Variants in BICD1 observed in about 807,000 individuals in gnomAD.
BICD1 encodes the protein BICD cargo adaptor 1.
Under a neutral mutation model 92.5 loss-of-function variants are expected in BICD1, and 35 were observed. The ratio of observed to expected loss-of-function variants is 0.38; its 90% CI spans 0.29 to 0.50. The LOEUF (loss-of-function observed/expected upper bound fraction) is 0.50, where lower values mean the gene tolerates loss of function less well. Ranked by LOEUF, BICD1 falls within the 20% of genes least tolerant of loss-of-function variation. The pLI is 0.93. For synonymous variants in BICD1, 429 were observed against 465.1 expected (o/e 0.92, Z 1.00); for missense variants, 950 against 1,189.8 (o/e 0.80, Z 2.97).
chr12:32,254,005 C>T (rs1020923231), intron 2 of BICD1, among the ~76,000 whole-genome samples: 3 of 150,054 alleles, frequency 2.0e-5, no homozygotes, highest in Admixed American at 1.3e-4. Context: ...ACATTCATTG[C>T]GGTATCCCAC....
At chr12:32,180,193 G>A (rs1189479067) in intron 1 of BICD1, among the ~76,000 whole-genome samples, 1 of 151,788 alleles carries the variant, frequency 6.6e-6, no homozygotes, top group East Asian at 1.9e-4. Flanking sequence ...CTGAGCTTCT[G>A]GGTTCAATAA....
chr12:32,181,833 G>T (rs1351123058), intron 1 of BICD1, among the ~76,000 whole-genome samples: 1 of 151,986 alleles, frequency 6.6e-6, no homozygotes, highest in Non-Finnish European at 1.5e-5. Context: ...CCTTATGCCT[G>T]TGTGTACCTC....
intron 2 of BICD1, among the ~76,000 whole-genome samples, chr12:32,221,271 TAA>T (rs563212976): frequency 3.4e-5 from 5 of 147,796 alleles, no homozygotes; most frequent in African/African-American, 1.2e-4. Context: ...TTAAAAAATT[TAA>T]AAAAAAATGT....
intron 4 of BICD1, among the ~76,000 whole-genome samples, chr12:32,319,630 T>G (rs1360146462): frequency 1.3e-5 from 2 of 152,038 alleles, no homozygotes; most frequent in African/African-American, 2.4e-5. Flanking sequence ...CAGGCTGGAG[T>G]GCAGTGACGT....
intron 2 of BICD1, among the ~76,000 whole-genome samples, chr12:32,236,931 T>G (rs7958088): frequency 0.17 from 25,494 of 147,672 alleles, 2,780 homozygotes; most frequent in African/African-American, 0.3. Flanking sequence ...CTGGAGTGCA[T>G]TGGCACAATC....
intron 3 of BICD1, among the ~76,000 whole-genome samples, chr12:32,304,693 T>C (rs1948164436): frequency 6.6e-6 from 1 of 152,160 alleles, no homozygotes; most frequent in Admixed American, 6.6e-5. Flanking sequence ...GGAGGTTTAT[T>C]TTTATTGCAT....
At chr12:32,122,130 T>A (rs957967448) in intron 1 of BICD1, among the ~76,000 whole-genome samples, 2 of 152,074 alleles carry the variant, frequency 1.3e-5, no homozygotes, top group African/African-American at 2.4e-5. Context: ...TTTGTTAATA[T>A]TTTACAATAA....
intron 2 of BICD1, among the ~76,000 whole-genome samples, chr12:32,219,937 C>T (rs1416951397): frequency 1.3e-5 from 2 of 152,076 alleles, no homozygotes; most frequent in South Asian, 2.1e-4. Flanking sequence ...GAAATAATGC[C>T]ACATATCTAC....
At chr12:32,230,770 G>A (rs1945861340) in intron 2 of BICD1, among the ~76,000 whole-genome samples, 1 of 152,168 alleles carries the variant, frequency 6.6e-6, no homozygotes, top group Non-Finnish European at 1.5e-5. Flanking sequence ...AGGCCCAGTG[G>A]CATGGGAGTG....
intron 1 of BICD1, among the ~76,000 whole-genome samples, chr12:32,137,462 A>G (rs1272858346): frequency 6.6e-6 from 1 of 152,192 alleles, no homozygotes; most frequent in Admixed American, 6.5e-5. Context: ...TACTTAGTGT[A>G]GCAATTTATT....
chr12:32,110,376 C>T (rs573429938), intron 1 of BICD1, among the ~76,000 whole-genome samples: 18 of 152,128 alleles, frequency 1.2e-4, no homozygotes, highest in African/African-American at 4.3e-4. Flanking sequence ...ATTCAGCTCA[C>T]AGAAGAACAC....
chr12:32,111,708 C>CGCCA (rs1941700679), intron 1 of BICD1, among the ~76,000 whole-genome samples: 1 of 150,550 alleles, frequency 6.6e-6, no homozygotes, highest in African/African-American at 2.4e-5. Context: ...CCCGGGTTCA[C>CGCCA]GCCATTCTCC....
intron 1 of BICD1, among the ~76,000 whole-genome samples, chr12:32,115,690 T>G (rs1941866641): frequency 6.6e-6 from 1 of 152,148 alleles, no homozygotes; most frequent in Non-Finnish European, 1.5e-5. Context: ...CTGATGGAAT[T>G]TGGATGCCCA....
chr12:32,282,412 G>C (rs1255117266), intron 2 of BICD1, among the ~76,000 whole-genome samples: 1 of 151,706 alleles, frequency 6.6e-6, no homozygotes, highest in East Asian at 1.9e-4. Context: ...GTAGAGTCAG[G>C]GTTTTGCCAC....
At chr12:32,340,560 A>G in intron 8 of BICD1, 1 of 880,202 alleles carries the variant, frequency 1.1e-6, no homozygotes, top group Non-Finnish European at 1.4e-6. Flanking sequence ...TTAATTAAAA[A>G]GATAACATCT....
chr12:32,222,413 A>AC (rs1436831629), intron 2 of BICD1, among the ~76,000 whole-genome samples: 1 of 152,176 alleles, frequency 6.6e-6, no homozygotes, highest in Admixed American at 6.5e-5. Context: ...ATTATATTAT[A>AC]CCCCTATTTT....
Position 32,323,501 on chromosome 12 carries a change from T to C in BICD1, c.1006-3960T>C, listed in dbSNP as rs61929084. 3.4e-3 allele frequency among the ~76,000 whole-genome samples: 515 copies of C among 152,324 alleles called. 3 individuals carry two copies. The highest frequency in any genetic ancestry group is 5.6e-3 in the Non-Finnish European group (384 of 68,032). On this transcript the variant is annotated intron_variant, in intron 4 of 9. Coordinates refer to ENST00000652176, the MANE Select transcript of BICD1 (RefSeq NM_001714.4). ...TCAGAGTCACATAGCTAAGTAAATG[T>C]TGGTCCCGAGATTTGACTCCAGTGT...
At chr12:32,176,045 G>T (rs1229384772) in intron 1 of BICD1, among the ~76,000 whole-genome samples, 1 of 152,172 alleles carries the variant, frequency 6.6e-6, no homozygotes, top group Non-Finnish European at 1.5e-5. Context: ...CATCTATGTT[G>T]TCGCCTGTGT....
At chr12:32,294,171 A>C (rs1182486209) in intron 3 of BICD1, 25 bp downstream of exon 3, 1 of 1,574,196 alleles carries the variant, frequency 6.4e-7, no homozygotes. Flanking sequence ...ATTTTTTGTT[A>C]TACTGAAGAT....
Sources: gnomAD v4.1 joint callset for allele counts (sites outside exome capture counted in the v4.1 genomes callset) on GRCh38, gnomAD v4.1.1 for gene constraint, MANE v1.5 for transcripts, NCBI Gene and HGNC (gene_info 2026-07-23, HGNC 2026-07-21) for gene names.